TSNAX: variants seen among roughly 807,000 people sequenced by gnomAD.
TSNAX encodes the protein translin associated factor X.
TSNAX carries 12 observed loss-of-function variants against 33.0 expected under a neutral mutation model. That is an observed-to-expected ratio of 0.36 (90% CI 0.23 to 0.59). TSNAX has a LOEUF of 0.59. TSNAX is among the 20% of genes least tolerant of loss of function. The probability of loss-of-function intolerance (pLI) is 0.74; values close to 1 mark genes in which losing one functional copy is unlikely to be tolerated. For synonymous variants in TSNAX, 110 were observed against 117.2 expected, an observed-to-expected ratio of 0.94 and a Z score of 0.40; for missense variants, 267 against 341.3, an observed-to-expected ratio of 0.78 and a Z score of 1.72.
At position 231,528,750 on chromosome 1, in the gene TSNAX, G is replaced by T; in HGVS notation, c.-61G>T. ...CCCAGGTTCCCTCGGCCTGTACCTC[G>T]CGCACTCCTCTTGCTCCAGGTCCTT... is the stretch of plus-strand genomic sequence containing the variant. On this transcript the variant is annotated 5_prime_UTR_variant, in exon 1 of 6. Coordinates refer to ENST00000366639, the MANE Select transcript of TSNAX (RefSeq NM_005999.3). The T allele has an allele frequency of 6.2e-7, 1 of 1,609,812 alleles. No homozygotes were observed. Among genetic ancestry groups the T allele is most frequent in the South Asian group, 1.1e-5 (1 of 90,918 alleles).
chr1:231,561,545 A>G (rs1447174222), intron 5 of TSNAX, among the ~76,000 whole-genome samples: 3 of 152,210 alleles, frequency 2.0e-5, no homozygotes, highest in Non-Finnish European at 4.4e-5. Flanking sequence ...TGCCCTTTGT[A>G]AGCACTGTCT....
At chr1:231,535,739 G>A (rs927357918) in intron 2 of TSNAX, 3 of 152,180 alleles carry the variant, frequency 2.0e-5, no homozygotes, top group African/African-American at 7.2e-5. Flanking sequence ...AGGAATCAAA[G>A]TGCTGACATT....
At chr1:231,541,572 C>T (rs913421767) in intron 3 of TSNAX, among the ~76,000 whole-genome samples, 1 of 147,558 alleles carries the variant, frequency 6.8e-6, no homozygotes, top group African/African-American at 2.6e-5. Flanking sequence ...TTACTTTAAA[C>T]AGTATGATTT....
intron 5 of TSNAX, among the ~76,000 whole-genome samples, chr1:231,562,827 C>T (rs930910282): frequency 6.6e-6 from 1 of 152,096 alleles, no homozygotes. Flanking sequence ...AGAATATTGT[C>T]AAAACTATTT....
chr1:231,564,007 GT>G (rs1418632643), intron 5 of TSNAX, among the ~76,000 whole-genome samples: 1 of 152,040 alleles, frequency 6.6e-6, no homozygotes, highest in East Asian at 1.9e-4. Context: ...TTTTTGCTGG[GT>G]AGGTGCAGTA....
intron 3 of TSNAX, among the ~76,000 whole-genome samples, chr1:231,537,676 G>A (rs2124891363): frequency 6.6e-6 from 1 of 151,598 alleles, no homozygotes; most frequent in African/African-American, 2.4e-5. Flanking sequence ...GGGAGGCAGA[G>A]GCTGCAGTGT....
intron 5 of TSNAX, 88 bp downstream of exon 5, chr1:231,561,343 T>C: frequency 1.9e-6 from 2 of 1,071,202 alleles, no homozygotes. Flanking sequence ...TATGCTAAGA[T>C]TGAGATGGGA....
intron 3 of TSNAX, among the ~76,000 whole-genome samples, chr1:231,541,332 T>C (rs182804465): frequency 6.6e-6 from 1 of 152,350 alleles, no homozygotes; most frequent in African/African-American, 2.4e-5. Flanking sequence ...CTTTTCACTT[T>C]GCATGATTTT....
chr1:231,554,515 AACTG>A (rs1660568044), intron 4 of TSNAX: 1 of 152,172 alleles, frequency 6.6e-6, no homozygotes, highest in Non-Finnish European at 1.5e-5. Context: ...TGTAATCTAA[AACTG>A]ACTGAAACAT....
At chr1:231,551,040 T>C (rs528358684) in intron 4 of TSNAX, among the ~76,000 whole-genome samples, 2 of 152,360 alleles carry the variant, frequency 1.3e-5, no homozygotes, top group Admixed American at 6.5e-5. Flanking sequence ...TAATATAGTT[T>C]AGTGTATTAA....
In TSNAX at chr1:231,552,391, C is replaced by T. The variant is rs191865057; in HGVS notation, c.368-8737C>T. On this transcript the variant is annotated intron_variant, in intron 4 of 5. Transcript: ENST00000366639. ...TGGTAGTATAAGCACACATACTTTA[C>T]AAAGCTGAGGCATATAGATATATTT... 9.2e-5 allele frequency among the ~76,000 whole-genome samples: 14 copies of T among 152,268 alleles called. No individual in the cohort carries two copies. In the East Asian group the frequency reaches 2.7e-3, roughly 29 times the overall value.
At chr1:231,529,223 A>G in intron 1 of TSNAX, 32 bp from the exon 2 acceptor site, 2 of 1,603,078 alleles carry the variant, frequency 1.2e-6, no homozygotes, top group East Asian at 2.2e-5. Context: ...TGGTGATGGA[A>G]GATCCCTCTC....
rs145791121 is a variant in TSNAX, at chr1:231,529,319, G to A, written c.81G>A (p.Lys27=). The change falls in exon 2 of 6, where the codon AAG becomes AAA. Residue 27 remains lysine (K), a synonymous_variant. Transcript: ENST00000366639. ...NFPHNQRREG[K]DVNSSSPVML... ...CACATAACCAAAGAAGAGAAGGGAA[G>A]GATGTTAATTCATCTTCACCCGTGA... is the stretch of plus-strand genomic sequence containing the variant. 1.4e-5 allele frequency: 23 copies of A among 1,614,052 alleles called. No homozygotes were observed. The African/African-American group carries it at 3.1e-4, about 22-fold the overall frequency.
At chr1:231,544,435 T>C (rs1176533031) in intron 4 of TSNAX, among the ~76,000 whole-genome samples, 2 of 152,244 alleles carry the variant, frequency 1.3e-5, no homozygotes, top group Non-Finnish European at 2.9e-5. Flanking sequence ...TGGACTTCAG[T>C]CTGCTTAAAA....
At chr1:231,543,006 G>T (rs894592496) in intron 4 of TSNAX, among the ~76,000 whole-genome samples, 1 of 151,836 alleles carries the variant, frequency 6.6e-6, no homozygotes, top group East Asian at 1.9e-4. Context: ...GTGAAACCCC[G>T]ACTCAACTAA....
At chr1:231,555,092 A>G (rs1454536189) in intron 4 of TSNAX, among the ~76,000 whole-genome samples, 2 of 152,226 alleles carry the variant, frequency 1.3e-5, no homozygotes, top group African/African-American at 2.4e-5. Flanking sequence ...GCACGACTTG[A>G]ACAGGTATGA....
At position 231,537,334 on chromosome 1, in the gene TSNAX, A is replaced by T; in HGVS notation, c.236+7A>T. 6.4e-7 allele frequency: 1 copy of T among 1,558,170 alleles called. No individual in the cohort carries two copies. The highest frequency in any genetic ancestry group is 8.8e-7 in the Non-Finnish European group (1 of 1,134,032). On this transcript the variant is annotated splice_region_variant and intron_variant, in intron 3 of 5. Coordinates refer to ENST00000366639, the MANE Select transcript of TSNAX (RefSeq NM_005999.3). ...TCCTCCATAGGATTACAAGGTGAGTAAGCATCTTTAGAATTTATTACAGTT... is the reference window on the plus strand; with the variant it reads ...TCCTCCATAGGATTACAAGGTGAGTTAGCATCTTTAGAATTTATTACAGTT...
chr1:231,529,133 A>G (rs1406370519), intron 1 of TSNAX, 122 bp from the exon 2 acceptor site: 1 of 961,892 alleles, frequency 1.0e-6, no homozygotes, highest in Non-Finnish European at 1.5e-6. Flanking sequence ...CTGCGGAGAA[A>G]GCCTCTAAGG....
intron 3 of TSNAX, among the ~76,000 whole-genome samples, chr1:231,540,049 G>A (rs1247424975): frequency 1.3e-5 from 2 of 151,746 alleles, no homozygotes; most frequent in African/African-American, 4.8e-5. Context: ...GCCGGGCTTG[G>A]TGGCATCCCA....
Sources: gnomAD v4.1 joint callset for allele counts (sites outside exome capture counted in the v4.1 genomes callset) on GRCh38, gnomAD v4.1.1 for gene constraint, MANE v1.5 for transcripts, NCBI Gene and HGNC (gene_info 2026-07-23, HGNC 2026-07-21) for gene names.